Variants in IRAG1 observed in about 807,000 individuals in gnomAD.
IRAG1 encodes the protein IP3R-associated cGMP kinase substrate.
In IRAG1, 62 loss-of-function variants were observed where a neutral mutation model predicts 106.2. That is an observed-to-expected ratio of 0.58 (90% CI 0.48 to 0.72). The LOEUF is 0.72. Among genes scored for constraint, IRAG1 ranks in the 30% least tolerant of loss-of-function variants. The pLI is 0.00. For missense variants in IRAG1, 1,064 were observed against 1,140.7 expected, an observed-to-expected ratio of 0.93 and a Z score of 0.97; for synonymous variants, 462 against 443.9, an observed-to-expected ratio of 1.04 and a Z score of -0.51.
At chr11:10,654,108 C>G (rs888023690) in intron 1 of IRAG1, among the ~76,000 whole-genome samples, 3 of 152,130 alleles carry the variant, frequency 2.0e-5, no homozygotes, top group African/African-American at 7.2e-5. Context: ...GGAGGAAGAA[C>G]CGGAAAGCCC....
chr11:10,606,669 G>A, intron 12 of IRAG1, 73 bp downstream of exon 12: 1 of 1,448,046 alleles, frequency 6.9e-7, no homozygotes, highest in Non-Finnish European at 9.4e-7. Context: ...GCTAGAGTCT[G>A]GAGGAAGAAA....
intron 1 of IRAG1, among the ~76,000 whole-genome samples, chr11:10,661,705 G>A (rs907689385): frequency 2.0e-5 from 3 of 151,782 alleles, no homozygotes; most frequent in South Asian, 2.1e-4. Context: ...GACTTTCACC[G>A]TCCTGCCTCC....
chr11:10,576,310 C>A lies in IRAG1; in HGVS notation c.*22G>T, dbSNP rs1185569393. 2 of 1,612,644 alleles carry A rather than the reference C, an allele frequency of 1.2e-6. No individual in the cohort carries two copies. Among genetic ancestry groups the A allele is most frequent in the Non-Finnish European group, 1.7e-6 (2 of 1,179,532 alleles). ...GTAGTCTGAGTGTCTCAGAGCAGGG[C>A]ACTGGCTAGGTGTGAGGTTTCCTAC... On this transcript the variant is annotated 3_prime_UTR_variant, in exon 21 of 21. Coordinates refer to ENST00000423302, the MANE Select transcript of IRAG1 (RefSeq NM_130385.4).
intron 10 of IRAG1, among the ~76,000 whole-genome samples, chr11:10,622,085 A>G (rs989195764): frequency 1.3e-5 from 2 of 152,228 alleles, no homozygotes; most frequent in Admixed American, 1.3e-4. Flanking sequence ...ATACTTAAAA[A>G]TGGCTAAAAT....
intron 1 of IRAG1, among the ~76,000 whole-genome samples, chr11:10,690,946 G>T (rs560781240): frequency 6.6e-6 from 1 of 152,154 alleles, no homozygotes; most frequent in African/African-American, 2.4e-5. Flanking sequence ...GAGTCTGGGG[G>T]CCCCAAGCTC....
At position 10,574,230 on chromosome 11, in the gene IRAG1, GT is replaced by G. The variant is rs1307356540; in HGVS notation, c.*2101del. On this transcript the variant is annotated 3_prime_UTR_variant, in exon 21 of 21. Coordinates refer to ENST00000423302, the MANE Select transcript of IRAG1 (RefSeq NM_130385.4). The stretch of plus-strand genomic sequence containing the variant: ...AGACTGAAAAACAGAATAAGCTGAG[GT>G]TAAGAAAGATGTTGCTTTTTGCATT... 4 of 152,234 alleles carry G rather than the reference GT, an allele frequency of 2.6e-5. No individual in the cohort carries two copies. Among genetic ancestry groups the G allele is most frequent in the Non-Finnish European group, 4.4e-5 (3 of 68,060 alleles). 9.4% of individuals were successfully genotyped at this position (152,234 alleles called of 1,614,324 possible).
chr11:10,606,204 T>C (rs1854462679), intron 12 of IRAG1, among the ~76,000 whole-genome samples: 1 of 152,180 alleles, frequency 6.6e-6, no homozygotes, highest in Non-Finnish European at 1.5e-5. Context: ...CGCTACAGAA[T>C]GAAATGCAGA....
chr11:10,685,156 A>C (rs1235311781), intron 1 of IRAG1, among the ~76,000 whole-genome samples: 1 of 152,190 alleles, frequency 6.6e-6, no homozygotes, highest in Non-Finnish European at 1.5e-5. Flanking sequence ...TCAGAATTGC[A>C]TACTTGGCTG....
At chr11:10,675,497 T>C (rs993239407) in intron 1 of IRAG1, among the ~76,000 whole-genome samples, 1 of 152,166 alleles carries the variant, frequency 6.6e-6, no homozygotes, top group Non-Finnish European at 1.5e-5. Context: ...TCTCTATCAC[T>C]GAGTTGGGAT....
intron 8 of IRAG1, among the ~76,000 whole-genome samples, chr11:10,627,254 C>A (rs1373071169): frequency 1.3e-5 from 2 of 152,300 alleles, no homozygotes; most frequent in East Asian, 3.9e-4. Context: ...ACACTAAATT[C>A]TACTGCTGCC....
chr11:10,642,282 A>T (rs1286531456), intron 2 of IRAG1, among the ~76,000 whole-genome samples: 5 of 152,252 alleles, frequency 3.3e-5, no homozygotes, highest in African/African-American at 1.2e-4. Context: ...TTATAGAAAC[A>T]TTTAAATGTT....
At chr11:10,620,733 G>A (rs1030689951) in intron 10 of IRAG1, among the ~76,000 whole-genome samples, 6 of 152,162 alleles carry the variant, frequency 3.9e-5, no homozygotes, top group Non-Finnish European at 7.4e-5. Flanking sequence ...TGTCAGTAGC[G>A]TTATTCATTG....
chr11:10,589,993 G>A (rs1257287807), intron 18 of IRAG1, among the ~76,000 whole-genome samples: 1 of 152,194 alleles, frequency 6.6e-6, no homozygotes, highest in South Asian at 2.1e-4. Flanking sequence ...GTCTGTTGAA[G>A]AGATCTTCTG....
intron 1 of IRAG1, among the ~76,000 whole-genome samples, chr11:10,656,894 C>G (rs533756106): frequency 1.3e-5 from 2 of 152,042 alleles, no homozygotes; most frequent in African/African-American, 4.8e-5. Context: ...CAGGGGAGGG[C>G]TGGAGTGAGT....
At chr11:10,640,272 G>A (rs1275884215) in intron 2 of IRAG1, among the ~76,000 whole-genome samples, 1 of 152,192 alleles carries the variant, frequency 6.6e-6, no homozygotes, top group Non-Finnish European at 1.5e-5. Context: ...GCAGAAACAA[G>A]CCATGGGTGG....
In IRAG1 at chr11:10,576,562, A is replaced by G. The variant is rs1289361323; in HGVS notation, c.2509T>C (p.Leu837=). Residue 837 remains leucine (L), a synonymous_variant, in exon 21 of 21, where the codon TTG becomes CTG. Coordinates refer to ENST00000423302, the MANE Select transcript of IRAG1 (RefSeq NM_130385.4). ...TACATGACTTGTAAGAAATGGACCAATTCTTCAAGTTTGCTGTCAATGAAA... is the reference window on the plus strand; with the variant it reads ...TACATGACTTGTAAGAAATGGACCAGTTCTTCAAGTTTGCTGTCAATGAAA... ...KGPRSSKLEE[L]VHFLQVMYPK... The G allele has an allele frequency of 6.2e-7, 1 of 1,614,020 alleles. No homozygotes were observed.
rs1176181051 is a variant in IRAG1 at position 10,640,382 on chromosome 11, G to C, written c.226-6311C>G. 2.0e-5 allele frequency among the ~76,000 whole-genome samples: 3 copies of C among 152,224 alleles called. No individual in the cohort carries two copies. The East Asian group carries it at 5.8e-4, about 29-fold the overall frequency. ...GAGGAAATCCTCTAATCCCTTGATG[G>C]AACATCCTGGAAGGTTCTTCACACT... On this transcript the variant is annotated intron_variant, in intron 2 of 20. Coordinates refer to ENST00000423302, the MANE Select transcript of IRAG1 (RefSeq NM_130385.4).
rs1398024906 is a variant in IRAG1, at chr11:10,606,728, C to T, written c.1602+14G>A. Reference sequence around the variant, plus strand: ...CACGGGCACTAAATTTCATAACACACTTGAGTCACTTACCTCAACTTCCTT... The same window carrying T: ...CACGGGCACTAAATTTCATAACACATTTGAGTCACTTACCTCAACTTCCTT... On this transcript the variant is annotated intron_variant, in intron 12 of 20. Coordinates refer to ENST00000423302, the MANE Select transcript of IRAG1 (RefSeq NM_130385.4). 6.3e-7 allele frequency: 1 copy of T among 1,593,290 alleles called. No individual in the cohort carries two copies. Among genetic ancestry groups the T allele is most frequent in the Admixed American group, 1.8e-5 (1 of 56,670 alleles).
chr11:10,584,548 A>AATATTTATATAT (rs1851734394), intron 18 of IRAG1, among the ~76,000 whole-genome samples: 1 of 98,580 alleles, frequency 1.0e-5, no homozygotes, highest in Admixed American at 1.2e-4. Flanking sequence ...TCTTTCATGA[A>AATATTTATATAT]ATATATATAT....
Sources: gnomAD v4.1 joint callset for allele counts (sites outside exome capture counted in the v4.1 genomes callset) on GRCh38, gnomAD v4.1.1 for gene constraint, MANE v1.5 for transcripts, NCBI Gene and HGNC (gene_info 2026-07-23, HGNC 2026-07-21) for gene names.